CDH13: variants seen among roughly 807,000 people sequenced by gnomAD.
CDH13 encodes the protein cadherin 13.
CDH13 carries 24 observed loss-of-function variants against 63.8 expected under a neutral mutation model. That is an observed-to-expected ratio of 0.38 (90% CI 0.27 to 0.53). The LOEUF is 0.53. Among genes scored for constraint, CDH13 ranks in the 20% least tolerant of loss-of-function variants. The pLI is 0.85. For synonymous variants in CDH13, 503 were observed against 355.3 expected, an observed-to-expected ratio of 1.42 and a Z score of -4.67; for missense variants, 1,049 against 903.1, an observed-to-expected ratio of 1.16 and a Z score of -2.07.
chr16:82,933,964 C>A (rs6565086), intron 2 of CDH13, among the ~76,000 whole-genome samples: 1 of 151,994 alleles, frequency 6.6e-6, no homozygotes, highest in Non-Finnish European at 1.5e-5. Flanking sequence ...GGGCTGGCAG[C>A]GTCTATGACT....
intron 7 of CDH13, among the ~76,000 whole-genome samples, chr16:83,546,126 G>A (rs945816147): frequency 2.6e-5 from 4 of 152,206 alleles, no homozygotes; most frequent in African/African-American, 7.2e-5. Flanking sequence ...CAATCAGAAA[G>A]AGCCATTGTG....
chr16:82,866,679 C>G (rs573274204), intron 2 of CDH13, among the ~76,000 whole-genome samples: 12 of 152,130 alleles, frequency 7.9e-5, no homozygotes, highest in Admixed American at 7.2e-4. Context: ...ATAAGAGGTT[C>G]AATTGACTCA....
chr16:82,922,734 A>T (rs2042194364), intron 2 of CDH13, among the ~76,000 whole-genome samples: 1 of 152,168 alleles, frequency 6.6e-6, no homozygotes, highest in Non-Finnish European at 1.5e-5. Context: ...GAGGCTAGAA[A>T]ATTAGTCAAA....
At chr16:82,795,134 C>T (rs1259356643) in intron 1 of CDH13, among the ~76,000 whole-genome samples, 1 of 152,202 alleles carries the variant, frequency 6.6e-6, no homozygotes, top group Admixed American at 6.5e-5. Context: ...AGGAGTCCAT[C>T]TTTCTGCAGT....
intron 2 of CDH13, among the ~76,000 whole-genome samples, chr16:82,900,215 C>G (rs767645755): frequency 6.6e-6 from 1 of 152,182 alleles, no homozygotes; most frequent in Non-Finnish European, 1.5e-5. Context: ...AGAACCAGGA[C>G]AACAAGCCCA....
At chr16:82,715,446 T>C (rs567698388) in intron 1 of CDH13, among the ~76,000 whole-genome samples, 2 of 152,250 alleles carry the variant, frequency 1.3e-5, no homozygotes, top group South Asian at 4.1e-4. Context: ...TTCTGCTTTA[T>C]TGATCTTGAG....
chr16:83,117,378 C>A (rs1035641497), intron 3 of CDH13, among the ~76,000 whole-genome samples: 8 of 148,364 alleles, frequency 5.4e-5, no homozygotes, highest in Middle Eastern at 3.2e-3. Flanking sequence ...GCCCCCTTGG[C>A]CCATTCTTCC....
chr16:83,283,369 T>C (rs2089231149), intron 5 of CDH13, among the ~76,000 whole-genome samples: 1 of 152,140 alleles, frequency 6.6e-6, no homozygotes, highest in African/African-American at 2.4e-5. Flanking sequence ...GGAGGGTGGA[T>C]TGCTTGAGGC....
rs1015782412 is a variant in CDH13, at chr16:83,227,760, C to T, written c.636+10263C>T. Among the ~76,000 whole-genome samples the T allele has an allele frequency of 8.5e-5, 13 of 152,264 alleles. No homozygotes were observed. The South Asian group carries it at 1.5e-3, about 17-fold the overall frequency. On this transcript the variant is annotated intron_variant, in intron 5 of 13. Transcript: ENST00000567109. ...GGGGAGCATCTGGGGACCATAGAGC[C>T]AGCGTCCACGCCAGGCAGTGCAGAC... is the stretch of plus-strand genomic sequence containing the variant.
At chr16:83,180,178 T>C (rs1048303442) in intron 4 of CDH13, among the ~76,000 whole-genome samples, 1 of 152,180 alleles carries the variant, frequency 6.6e-6, no homozygotes. Context: ...TTGTTTTTTT[T>C]ATTAGGAAAA....
At chr16:83,398,229 C>T (rs1439675357) in intron 6 of CDH13, 1 of 152,140 alleles carries the variant, frequency 6.6e-6, no homozygotes, top group Non-Finnish European at 1.5e-5. Flanking sequence ...GAAACTTATT[C>T]TCTAGCTTCT....
chr16:83,438,274 G>A (rs986024136), intron 6 of CDH13, among the ~76,000 whole-genome samples: 12 of 152,162 alleles, frequency 7.9e-5, no homozygotes, highest in East Asian at 1.9e-4. Context: ...CCAACTGCAG[G>A]AATCATTTGC....
intron 5 of CDH13, among the ~76,000 whole-genome samples, chr16:83,240,662 T>C (rs1271512456): frequency 1.8e-5 from 1 of 55,538 alleles, no homozygotes; most frequent in African/African-American, 8.1e-5. Context: ...TATTTCAACT[T>C]TTTTAAATAG....
chr16:83,385,369 G>T (rs889712), intron 6 of CDH13, among the ~76,000 whole-genome samples: 1 of 152,118 alleles, frequency 6.6e-6, no homozygotes, highest in Non-Finnish European at 1.5e-5. Flanking sequence ...TCCCAGCAGA[G>T]TAGCTTCCAG....
At chr16:82,654,654 G>A (rs768430333) in intron 1 of CDH13, among the ~76,000 whole-genome samples, 3 of 152,112 alleles carry the variant, frequency 2.0e-5, no homozygotes, top group African/African-American at 2.4e-5. Flanking sequence ...TTTATTTGGG[G>A]GCAGACATCC....
chr16:83,501,483 A>G (rs368703147), intron 7 of CDH13, among the ~76,000 whole-genome samples: 103 of 152,276 alleles, frequency 6.8e-4, no homozygotes, highest in African/African-American at 2.3e-3. Context: ...TTTCCTCTGC[A>G]TGTTAGAATA....
intron 7 of CDH13, among the ~76,000 whole-genome samples, chr16:83,499,763 A>C (rs1457546885): frequency 6.6e-6 from 1 of 151,930 alleles, no homozygotes; most frequent in Non-Finnish European, 1.5e-5. Context: ...GTTTGGGTGC[A>C]GTGGCCACAT....
At chr16:82,849,532 G>T (rs868700020) in intron 1 of CDH13, among the ~76,000 whole-genome samples, 3 of 152,142 alleles carry the variant, frequency 2.0e-5, no homozygotes, top group Admixed American at 6.5e-5. Context: ...AAAGTGTGAG[G>T]TGAAGCAGGA....
At chr16:83,568,600 CA>C (rs556331786) in intron 7 of CDH13, among the ~76,000 whole-genome samples, 4 of 152,218 alleles carry the variant, frequency 2.6e-5, no homozygotes, top group African/African-American at 9.6e-5. Context: ...CGAGTGGGGG[CA>C]GGGGGTTGGG....
Sources: allele counts gnomAD v4.1 joint callset (sites outside exome capture counted in the v4.1 genomes callset), GRCh38; gene constraint gnomAD v4.1.1; transcripts MANE v1.5; gene names NCBI Gene and HGNC (gene_info 2026-07-23, HGNC 2026-07-21).